The following RTF2 variants were observed in gnomAD, a reference collection of about 807,000 sequenced individuals.
The protein encoded by RTF2 is replication termination factor 2.
Under a neutral mutation model 38.0 loss-of-function variants are expected in RTF2, and 18 were observed. That is an observed-to-expected ratio of 0.47 (90% CI 0.33 to 0.70). RTF2 has a LOEUF of 0.70. Ranked by LOEUF, RTF2 falls within the 30% of genes least tolerant of loss-of-function variation. The pLI is 0.02. For missense variants in RTF2, 311 were observed against 379.6 expected (o/e 0.82, Z 1.50); for synonymous variants, 126 against 137.1 (o/e 0.92, Z 0.57).
rs762075872 is a variant in RTF2 at position 56,497,266 on chromosome 20, T to C, written c.477+13077T>C. On this transcript the variant is annotated intron_variant, in intron 5 of 8. Coordinates refer to ENST00000357348, the MANE Select transcript of RTF2 (RefSeq NM_016407.5). ...ATGGCCAGCTCCTTATGAATAGTTA[T>C]AATATATGCCAAAGAGAAATCGCCC... The C allele has an allele frequency of 1.0e-5, 16 of 1,551,682 alleles. No homozygotes were observed. In the African/African-American group the frequency reaches 2.1e-4, roughly 20 times the overall value.
In RTF2 at chr20:56,516,914, A is replaced by C. The variant is rs774236085; in HGVS notation, c.592-21A>C. ...GGAGTGAATCTGAGCACAGCCTCCAACATTCTCTATCTTTTTGTAGAAAAC... is the reference window on the plus strand; with the variant it reads ...GGAGTGAATCTGAGCACAGCCTCCACCATTCTCTATCTTTTTGTAGAAAAC... On this transcript the variant is annotated intron_variant, in intron 6 of 8. Transcript: ENST00000357348. 1.1e-5 allele frequency: 17 copies of C among 1,612,676 alleles called. No homozygotes were observed. In the East Asian group the frequency reaches 3.8e-4, roughly 36 times the overall value.
intron 5 of RTF2, among the ~76,000 whole-genome samples, chr20:56,505,591 G>A (rs1307706721): frequency 3.3e-5 from 5 of 151,858 alleles, no homozygotes; most frequent in Non-Finnish European, 7.4e-5. Flanking sequence ...TCGAGGGTTG[G>A]TGCTGGGTTT....
At chr20:56,499,431 T>C (rs886835137) in intron 5 of RTF2, among the ~76,000 whole-genome samples, 9 of 152,026 alleles carry the variant, frequency 5.9e-5, no homozygotes, top group Non-Finnish European at 7.4e-5. Context: ...TCCACCCGCC[T>C]AGGCCTCCCA....
intron 5 of RTF2, chr20:56,504,172 A>G (rs1984113784): frequency 6.6e-6 from 1 of 152,174 alleles, no homozygotes; most frequent in African/African-American, 2.4e-5. Context: ...ACTTGAGTAG[A>G]GTTGCTTGGC....
At chr20:56,492,274 C>T (rs1014382933) in intron 5 of RTF2, among the ~76,000 whole-genome samples, 8 of 151,446 alleles carry the variant, frequency 5.3e-5, no homozygotes, top group Admixed American at 2.6e-4. Flanking sequence ...AACGGGATTT[C>T]GCCATGTTGG....
chr20:56,473,062 T>C (rs1296800633), intron 1 of RTF2, among the ~76,000 whole-genome samples: 1 of 152,006 alleles, frequency 6.6e-6, no homozygotes, highest in Non-Finnish European at 1.5e-5. Flanking sequence ...GTCCAGGAGG[T>C]GGAGGTTGCA....
At chr20:56,487,706 A>G (rs1439904163) in intron 5 of RTF2, among the ~76,000 whole-genome samples, 1 of 152,196 alleles carries the variant, frequency 6.6e-6, no homozygotes, top group Non-Finnish European at 1.5e-5. Context: ...GACTTACCGG[A>G]AAGTCATTGT....
intron 5 of RTF2, among the ~76,000 whole-genome samples, chr20:56,504,925 G>A (rs1342060745): frequency 1.3e-5 from 2 of 152,208 alleles, no homozygotes; most frequent in Non-Finnish European, 2.9e-5. Flanking sequence ...AGATGTTGCT[G>A]TTGCCAAAGC....
At chr20:56,485,599 T>C (rs1376736773) in intron 5 of RTF2, among the ~76,000 whole-genome samples, 1 of 152,066 alleles carries the variant, frequency 6.6e-6, no homozygotes, top group Non-Finnish European at 1.5e-5. Flanking sequence ...AAGAGGTCAG[T>C]GGGGGCGGTG....
At chr20:56,517,938 T>G (rs113748691) in intron 8 of RTF2, 149 bp from the exon 9 acceptor site, 23 of 692,632 alleles carry the variant, frequency 3.3e-5, no homozygotes, top group African/African-American at 2.9e-4. Flanking sequence ...TTTGCTGGAG[T>G]TGGCAATTAA....
intron 4 of RTF2, among the ~76,000 whole-genome samples, chr20:56,479,132 G>T (rs1238574534): frequency 6.6e-6 from 1 of 152,140 alleles, no homozygotes. Flanking sequence ...CCTCCAAGTC[G>T]TCCATGAGGG....
chr20:56,477,881 C>G (rs949671215), intron 4 of RTF2, among the ~76,000 whole-genome samples: 4 of 152,220 alleles, frequency 2.6e-5, no homozygotes, highest in Admixed American at 6.5e-5. Flanking sequence ...GGCTCAAAAA[C>G]ATGGTAATTT....
In RTF2 at chr20:56,519,119, A is replaced by G. The variant is rs1985243207; in HGVS notation, c.*854A>G. ...CTCATGAGACTCCTAATGAAGAACCAAGAGCCACAGGCCTCTGCGTGGCTT... is the reference window on the plus strand; with the variant it reads ...CTCATGAGACTCCTAATGAAGAACCGAGAGCCACAGGCCTCTGCGTGGCTT... On this transcript the variant is annotated 3_prime_UTR_variant, in exon 9 of 9. Transcript: ENST00000357348. 6.6e-6 allele frequency: 1 copy of G among 152,244 alleles called. No homozygotes were observed. Among genetic ancestry groups the G allele is most frequent in the South Asian group, 2.1e-4 (1 of 4,832 alleles). The allele number at this position is 152,244 out of a possible 1,614,324, so 9.4% of individuals were successfully genotyped here. A position where few individuals can be genotyped will look rare whatever the true frequency, so the allele number is the denominator to read the frequency against.
At position 56,517,197 on chromosome 20, in the gene RTF2, C is replaced by T; in HGVS notation, c.738C>T (p.Ser246=). The part of the protein sequence containing the change: ...REKKTNLAPK[S]TAMNESSSGK... ...AGAAAACCAACTTGGCTCCCAAAAG[C>T]ACAGGTGGGTCCTGTTGTAGCTACA... Residue 246 remains serine, a synonymous_variant, in exon 8 of 9, where the codon AGC becomes AGT. Coordinates refer to ENST00000357348, the MANE Select transcript of RTF2 (RefSeq NM_016407.5). 1.2e-6 allele frequency: 2 copies of T among 1,613,502 alleles called. No homozygotes were observed. The highest frequency in any genetic ancestry group is 1.7e-6 in the Non-Finnish European group (2 of 1,179,552).
chr20:56,509,049 A>ATTCCC (rs1984464325), intron 5 of RTF2, among the ~76,000 whole-genome samples: 1 of 152,254 alleles, frequency 6.6e-6, no homozygotes, highest in Non-Finnish European at 1.5e-5. Flanking sequence ...TTTTGTAATT[A>ATTCCC]TCCAGTGTAA....
At chr20:56,493,680 A>G (rs1253857499) in intron 5 of RTF2, among the ~76,000 whole-genome samples, 1 of 149,000 alleles carries the variant, frequency 6.7e-6, no homozygotes, top group Non-Finnish European at 1.5e-5. Context: ...AAAGACTACA[A>G]ATATGAAGAC....
intron 5 of RTF2, among the ~76,000 whole-genome samples, chr20:56,484,532 A>G (rs1464812503): frequency 2.0e-5 from 3 of 152,270 alleles, no homozygotes; most frequent in South Asian, 2.1e-4. Context: ...CTCCTTCCAC[A>G]TTCCCCAAGC....
intron 1 of RTF2, 46 bp from the exon 2 acceptor site, chr20:56,473,255 T>C: frequency 7.6e-7 from 1 of 1,311,200 alleles, no homozygotes; most frequent in Non-Finnish European, 1.1e-6. Context: ...GTGAACCATG[T>C]GTCTTTCAGA....
intron 4 of RTF2, among the ~76,000 whole-genome samples, 186 bp from the exon 5 acceptor site, chr20:56,483,924 TA>T (rs1216034034): frequency 1.3e-5 from 2 of 152,248 alleles, no homozygotes; most frequent in African/African-American, 4.8e-5. Flanking sequence ...ATCTTTTTTT[TA>T]TTTTGGATAT....
Sources: allele counts gnomAD v4.1 joint callset (sites outside exome capture counted in the v4.1 genomes callset), GRCh38; gene constraint gnomAD v4.1.1; transcripts MANE v1.5; gene names NCBI Gene and HGNC (gene_info 2026-07-23, HGNC 2026-07-21).